Variants in CNTNAP5 observed in about 807,000 individuals in gnomAD.
CNTNAP5 encodes contactin-associated protein-like 5.
In CNTNAP5, 72 loss-of-function variants were observed where a neutral mutation model predicts 150.2. The ratio of observed to expected loss-of-function variants is 0.48; its 90% CI spans 0.40 to 0.58. The LOEUF (loss-of-function observed/expected upper bound fraction) is 0.58, where lower values mean the gene tolerates loss of function less well. Ranked by LOEUF, CNTNAP5 falls within the 20% of genes least tolerant of loss-of-function variation. The pLI is 0.00. For missense variants in CNTNAP5, 1,636 were observed against 1,626.2 expected, an observed-to-expected ratio of 1.01 and a Z score of -0.10; for synonymous variants, 672 against 619.8, an observed-to-expected ratio of 1.08 and a Z score of -1.25.
chr2:124,384,624 T>C (rs2104741498), intron 3 of CNTNAP5, among the ~76,000 whole-genome samples: 1 of 152,306 alleles, frequency 6.6e-6, no homozygotes, highest in East Asian at 1.9e-4. Flanking sequence ...TTTGAAGCCA[T>C]AAATCTATTT....
intron 19 of CNTNAP5, among the ~76,000 whole-genome samples, chr2:124,826,589 CAGA>C (rs1272427410): frequency 6.6e-6 from 1 of 152,144 alleles, no homozygotes; most frequent in Non-Finnish European, 1.5e-5. Context: ...TCTGGACCAA[CAGA>C]AGGAGCTTCA....
chr2:124,493,814 C>A (rs2104852730), intron 7 of CNTNAP5, among the ~76,000 whole-genome samples: 1 of 152,026 alleles, frequency 6.6e-6, no homozygotes, highest in South Asian at 2.1e-4. Context: ...TACTCAAGAA[C>A]AAAGGTACTC....
At chr2:124,140,239 C>T (rs1296551095) in intron 1 of CNTNAP5, among the ~76,000 whole-genome samples, 24 of 150,592 alleles carry the variant, frequency 1.6e-4, no homozygotes, top group Admixed American at 8.6e-4. Context: ...CCCAGGCTTG[C>T]TTAGGTAAAC....
intron 11 of CNTNAP5, among the ~76,000 whole-genome samples, chr2:124,594,833 T>A (rs2104964673): frequency 9.5e-6 from 1 of 105,320 alleles, no homozygotes; most frequent in African/African-American, 3.4e-5. Context: ...TTTGTAATTC[T>A]CCTTGAAGAG....
intron 3 of CNTNAP5, among the ~76,000 whole-genome samples, chr2:124,411,209 C>T (rs1472574669): frequency 6.6e-6 from 1 of 152,098 alleles, no homozygotes. Context: ...AGACCAATAA[C>T]AGGAGCTGAA....
intron 1 of CNTNAP5, among the ~76,000 whole-genome samples, chr2:124,186,431 A>G (rs1685333624): frequency 1.3e-5 from 2 of 152,236 alleles, no homozygotes; most frequent in Non-Finnish European, 2.9e-5. Flanking sequence ...TTATAAGCCT[A>G]TATAATGTTA....
intron 3 of CNTNAP5, among the ~76,000 whole-genome samples, chr2:124,321,138 A>C (rs933253170): frequency 6.6e-6 from 1 of 152,158 alleles, no homozygotes; most frequent in African/African-American, 2.4e-5. Flanking sequence ...TCAGTGCTGG[A>C]GCTAAAAATA....
chr2:124,855,118 G>T (rs1355895955), intron 19 of CNTNAP5, among the ~76,000 whole-genome samples: 1 of 150,890 alleles, frequency 6.6e-6, no homozygotes, highest in Non-Finnish European at 1.5e-5. Flanking sequence ...GAATGTCATG[G>T]TAAGAAGTTG....
At chr2:124,713,309 TCTTTCTTTC>T (rs1398245450) in intron 13 of CNTNAP5, among the ~76,000 whole-genome samples, 28 of 81,608 alleles carry the variant, frequency 3.4e-4, no homozygotes, top group African/African-American at 1.1e-3. Flanking sequence ...TTCTTCTTTC[TCTTTCTTTC>T]CTTTCTTTCT....
chr2:124,284,069 T>G (rs1282274898), intron 3 of CNTNAP5, among the ~76,000 whole-genome samples: 1 of 152,166 alleles, frequency 6.6e-6, no homozygotes, highest in Non-Finnish European at 1.5e-5. Flanking sequence ...TAAGTGAGAA[T>G]ATGCGGTGTT....
intron 10 of CNTNAP5, among the ~76,000 whole-genome samples, chr2:124,559,894 CT>C (rs1166952942): frequency 6.6e-6 from 1 of 152,158 alleles, no homozygotes; most frequent in Non-Finnish European, 1.5e-5. Flanking sequence ...TTGAAGGCAG[CT>C]CTACTAGTGC....
intron 1 of CNTNAP5, among the ~76,000 whole-genome samples, chr2:124,052,359 G>A (rs993671242): frequency 2.0e-5 from 3 of 152,136 alleles, no homozygotes; most frequent in African/African-American, 7.2e-5. Context: ...CATACAAACA[G>A]ACATCAAGGA....
chr2:124,419,895 G>GTT (rs1553466610), intron 4 of CNTNAP5, among the ~76,000 whole-genome samples: 3 of 98,956 alleles, frequency 3.0e-5, no homozygotes, highest in African/African-American at 7.4e-5. Context: ...GACTGGATTG[G>GTT]TTTTCTTTCT....
intron 13 of CNTNAP5, among the ~76,000 whole-genome samples, chr2:124,734,248 C>A (rs1680333828): frequency 6.6e-6 from 1 of 151,736 alleles, no homozygotes; most frequent in Non-Finnish European, 1.5e-5. Context: ...CATGGAGACA[C>A]AAATGAACAC....
At chr2:124,592,338 C>T (rs916341475) in intron 11 of CNTNAP5, among the ~76,000 whole-genome samples, 4 of 149,822 alleles carry the variant, frequency 2.7e-5, no homozygotes, top group Non-Finnish European at 5.9e-5. Context: ...CATTCCCTCT[C>T]AGCCACATAT....
chr2:124,598,697 G>A (rs1390245089), intron 11 of CNTNAP5, among the ~76,000 whole-genome samples: 158 of 145,578 alleles, frequency 1.1e-3, no homozygotes, highest in African/African-American at 3.3e-3. Context: ...CGGCTGCTTT[G>A]TTTACCTAAT....
chr2:124,527,555 A>G, intron 10 of CNTNAP5, 99 bp downstream of exon 10: 1 of 923,386 alleles, frequency 1.1e-6, no homozygotes, highest in Non-Finnish European at 1.6e-6. Flanking sequence ...CACCGACATT[A>G]GCCACATTAG....
intron 1 of CNTNAP5, among the ~76,000 whole-genome samples, chr2:124,068,758 A>C (rs1251339376): frequency 6.6e-6 from 1 of 151,752 alleles, no homozygotes; most frequent in Non-Finnish European, 1.5e-5. Context: ...TACATTTTGA[A>C]TAACAGCCCA....
At chr2:124,070,381 G>C (rs1484732261) in intron 1 of CNTNAP5, among the ~76,000 whole-genome samples, 3 of 94,546 alleles carry the variant, frequency 3.2e-5, no homozygotes, top group African/African-American at 1.2e-4. Context: ...AAGAGAAACA[G>C]AGTGGCTGAA....
Sources: allele counts gnomAD v4.1 joint callset (sites outside exome capture counted in the v4.1 genomes callset), GRCh38; gene constraint gnomAD v4.1.1; transcripts MANE v1.5; gene names NCBI Gene and HGNC (gene_info 2026-07-23, HGNC 2026-07-21).